Variants in PAM observed in about 807,000 individuals in gnomAD.
The protein encoded by PAM is peptidylglycine alpha-amidating monooxygenase.
A neutral mutation model predicts 122.1 loss-of-function variants in PAM; 72 were observed. The ratio of observed to expected loss-of-function variants is 0.59; its 90% CI spans 0.49 to 0.72. The LOEUF is 0.72. PAM is among the 30% of genes least tolerant of loss of function. The probability of loss-of-function intolerance (pLI) is 0.00; values close to 1 mark genes in which losing one functional copy is unlikely to be tolerated. For missense variants in PAM, 1,106 were observed against 1,183.7 expected (o/e 0.93, Z 0.96); for synonymous variants, 389 against 404.4 (o/e 0.96, Z 0.46).
intron 3 of PAM, among the ~76,000 whole-genome samples, chr5:102,890,910 G>A (rs1794600331): frequency 6.6e-6 from 1 of 151,868 alleles, no homozygotes; most frequent in East Asian, 1.9e-4. Flanking sequence ...CCCATTAACT[G>A]TGTGACAAGT....
chr5:103,011,404 T>A (rs1582886562), intron 21 of PAM, among the ~76,000 whole-genome samples: 2 of 144,554 alleles, frequency 1.4e-5, no homozygotes, highest in African/African-American at 2.7e-5. Context: ...ACACACACTC[T>A]CTCTCTCTGT....
intron 3 of PAM, among the ~76,000 whole-genome samples, chr5:102,876,239 A>G (rs1789162404): frequency 6.6e-6 from 1 of 152,078 alleles, no homozygotes; most frequent in South Asian, 2.1e-4. Flanking sequence ...GCCTTTTCTC[A>G]CAACAGCCAT....
rs114859298 is a variant in PAM, at chr5:103,007,038, G to A, written c.2014+27G>A. 3,968 of 1,503,752 alleles carry A rather than the reference G, an allele frequency of 2.6e-3. 78 individuals carry two copies. The African/African-American group carries it at 0.046, about 17-fold the overall frequency. The allele number at this position is 1,503,752 out of a possible 1,614,324, so 93.2% of individuals were successfully genotyped here. On this transcript the variant is annotated intron_variant, in intron 19 of 25. Transcript: ENST00000438793. ...TACCCAATAAGACTCTTAATCTCCA[G>A]TTGTAATTCTTAGCCAGTATCACTG... is the stretch of plus-strand genomic sequence containing the variant.
At chr5:102,924,293 C>T (rs913742772) in intron 5 of PAM, among the ~76,000 whole-genome samples, 23 of 151,810 alleles carry the variant, frequency 1.5e-4, no homozygotes, top group Admixed American at 3.9e-4. Context: ...ATTAGCCGGG[C>T]ATGGTGGTGG....
intron 15 of PAM, among the ~76,000 whole-genome samples, chr5:102,979,062 GCACA>G: frequency 7.6e-6 from 1 of 131,484 alleles, no homozygotes; most frequent in South Asian, 2.6e-4. Context: ...ACACACACAC[GCACA>G]CACACATACA....
intron 1 of PAM, among the ~76,000 whole-genome samples, chr5:102,763,163 G>C (rs141637974): frequency 2.6e-5 from 4 of 152,260 alleles, no homozygotes; most frequent in Admixed American, 2.6e-4. Context: ...CCAGTAGATA[G>C]TTAGCACTGT....
intron 1 of PAM, among the ~76,000 whole-genome samples, chr5:102,850,066 C>A (rs1174676806): frequency 2.0e-5 from 3 of 152,048 alleles, no homozygotes; most frequent in Non-Finnish European, 4.4e-5. Context: ...ACTATGAGAT[C>A]CTGAAGAACT....
chr5:102,880,804 GA>G (rs1245485334), intron 3 of PAM, among the ~76,000 whole-genome samples: 1 of 151,906 alleles, frequency 6.6e-6, no homozygotes, highest in Non-Finnish European at 1.5e-5. Context: ...GAAATGAAGT[GA>G]TACAAGCTAA....
intron 1 of PAM, among the ~76,000 whole-genome samples, chr5:102,796,239 T>G (rs174016): frequency 6.6e-6 from 1 of 151,990 alleles, no homozygotes; most frequent in Non-Finnish European, 1.5e-5. Flanking sequence ...GGGCCCTTCA[T>G]GAAGTCAGTC....
intron 12 of PAM, among the ~76,000 whole-genome samples, chr5:102,953,453 G>A (rs911802362): frequency 4.6e-5 from 7 of 152,192 alleles, no homozygotes; most frequent in Admixed American, 2.0e-4. Flanking sequence ...AATAAGCCAG[G>A]CACAGATATA....
chr5:102,979,649 AAC>A (rs1388341780), intron 15 of PAM, among the ~76,000 whole-genome samples: 3 of 152,216 alleles, frequency 2.0e-5, no homozygotes, highest in Admixed American at 6.5e-5. Context: ...GTCTTTAGGT[AAC>A]ACAGATAAAT....
At chr5:102,889,508 G>A (rs1311361336) in intron 3 of PAM, among the ~76,000 whole-genome samples, 2 of 151,776 alleles carry the variant, frequency 1.3e-5, no homozygotes, top group South Asian at 2.1e-4. Flanking sequence ...TAACCTAGCC[G>A]TCTTTGTCCT....
At chr5:102,977,516 T>G (rs758136124) in intron 15 of PAM, among the ~76,000 whole-genome samples, 1 of 152,012 alleles carries the variant, frequency 6.6e-6, no homozygotes, top group African/African-American at 2.4e-5. Context: ...CTCTGAACAA[T>G]TGTGAAAACA....
intron 10 of PAM, 30 bp downstream of exon 10, chr5:102,949,647 A>C (rs1758126162): frequency 9.4e-7 from 1 of 1,060,248 alleles, no homozygotes; most frequent in African/African-American, 1.6e-5. Flanking sequence ...AATTATAAAT[A>C]TTTACCATTG....
At chr5:102,965,144 C>A (rs1284555103) in intron 14 of PAM, among the ~76,000 whole-genome samples, 1 of 146,522 alleles carries the variant, frequency 6.8e-6, no homozygotes, top group Non-Finnish European at 1.5e-5. Flanking sequence ...GAAGTTCACA[C>A]TGATGTCTTC....
At chr5:102,772,840 C>T (rs1756178209) in intron 1 of PAM, among the ~76,000 whole-genome samples, 1 of 152,104 alleles carries the variant, frequency 6.6e-6, no homozygotes, top group Admixed American at 6.6e-5. Context: ...TATGTTCAAA[C>T]TGTGTCTACC....
chr5:102,992,697 C>T (rs1278721790), intron 16 of PAM, among the ~76,000 whole-genome samples: 1 of 151,958 alleles, frequency 6.6e-6, no homozygotes, highest in Non-Finnish European at 1.5e-5. Context: ...AGGTGAGGGA[C>T]AATACAAATT....
chr5:102,777,855 A>G (rs1164514178), intron 1 of PAM, among the ~76,000 whole-genome samples: 2 of 152,170 alleles, frequency 1.3e-5, no homozygotes, highest in African/African-American at 2.4e-5. Context: ...TACGGATTAT[A>G]AAAAGAGAGA....
At chr5:102,947,688 A>T (rs1757479495) in intron 8 of PAM, among the ~76,000 whole-genome samples, 1 of 152,162 alleles carries the variant, frequency 6.6e-6, no homozygotes, top group African/African-American at 2.4e-5. Flanking sequence ...AAAAAATGTT[A>T]AAAATGTTTA....
Sources: allele counts gnomAD v4.1 joint callset (sites outside exome capture counted in the v4.1 genomes callset), GRCh38; gene constraint gnomAD v4.1.1; transcripts MANE v1.5; gene names NCBI Gene and HGNC (gene_info 2026-07-23, HGNC 2026-07-21).